BDP1: variants seen among roughly 807,000 people sequenced by gnomAD.
BDP1 encodes the protein BDP1 general transcription factor IIIB subunit.
Under a neutral mutation model 266.6 loss-of-function variants are expected in BDP1, and 169 were observed. The observed-to-expected ratio is 0.63, with a 90% confidence interval of 0.56 to 0.72. The LOEUF is 0.72. Ranked by LOEUF, BDP1 falls within the 30% of genes least tolerant of loss-of-function variation. The probability of loss-of-function intolerance (pLI) is 0.00; values close to 1 mark genes in which losing one functional copy is unlikely to be tolerated. For missense variants in BDP1, 3,015 were observed against 3,053.8 expected, an observed-to-expected ratio of 0.99 and a Z score of 0.30; for synonymous variants, 1,090 against 1,022.4, an observed-to-expected ratio of 1.07 and a Z score of -1.26.
chr5:71,496,875 G>A (rs141692425), intron 12 of BDP1, among the ~76,000 whole-genome samples: 2 of 152,196 alleles, frequency 1.3e-5, no homozygotes, highest in East Asian at 1.9e-4. Flanking sequence ...GAGCCACTGC[G>A]CCCGGCCTTC....
At chr5:71,541,205 T>C (rs1766942837) in intron 28 of BDP1, among the ~76,000 whole-genome samples, 3 of 152,196 alleles carry the variant, frequency 2.0e-5, no homozygotes, top group African/African-American at 7.2e-5. Context: ...AATAATCGGA[T>C]AAAATTCCAG....
At chr5:71,548,566 T>C (rs1343053620) in intron 32 of BDP1, 116 bp from the exon 33 acceptor site, 3 of 670,962 alleles carry the variant, frequency 4.5e-6, no homozygotes, top group Admixed American at 5.0e-5. Context: ...ACTTGAAAAC[T>C]GTATATGGTT....
At position 71,461,935 on chromosome 5, in the gene BDP1, A is replaced by AATTT. The variant is rs752304755; in HGVS notation, c.599+14_599+17dup. 1.6e-6 allele frequency: 2 copies of AATTT among 1,278,418 alleles called. No homozygotes were observed. Among genetic ancestry groups the AATTT allele is most frequent in the South Asian group, 1.3e-5 (1 of 78,242 alleles). The allele number at this position is 1,278,418 out of a possible 1,614,324, so 79.2% of individuals were successfully genotyped here. A position where few individuals can be genotyped will look rare whatever the true frequency, so the allele number is the denominator to read the frequency against. Reference sequence around the variant, plus strand: ...GATAATAATCCAATGACGTAAGTAAAATTTATTTCTGCTTTACTATCTCTT... The same window carrying AATTT: ...GATAATAATCCAATGACGTAAGTAAAATTTATTTATTTCTGCTTTACTATCTCTT... On this transcript the variant is annotated intron_variant, in intron 3 of 38. Coordinates refer to ENST00000358731, the MANE Select transcript of BDP1 (RefSeq NM_018429.3).
intron 25 of BDP1, among the ~76,000 whole-genome samples, chr5:71,525,891 A>G (rs1289475057): frequency 2.0e-5 from 3 of 150,960 alleles, no homozygotes; most frequent in Non-Finnish European, 4.4e-5. Flanking sequence ...GGCGGTTGCC[A>G]GGCAGAGGGT....
At chr5:71,499,652 C>G (rs1764112357) in intron 13 of BDP1, among the ~76,000 whole-genome samples, 1 of 152,102 alleles carries the variant, frequency 6.6e-6, no homozygotes, top group Non-Finnish European at 1.5e-5. Context: ...AAACCCTTTT[C>G]CTCTGAAACT....
At chr5:71,537,175 A>C (rs386228) in intron 26 of BDP1, among the ~76,000 whole-genome samples, 1 of 147,800 alleles carries the variant, frequency 6.8e-6, no homozygotes. Flanking sequence ...AAAAAAAAGA[A>C]CCAGAACCAA....
At chr5:71,528,032 G>A (rs1255490177) in intron 25 of BDP1, among the ~76,000 whole-genome samples, 1 of 151,930 alleles carries the variant, frequency 6.6e-6, no homozygotes, top group Non-Finnish European at 1.5e-5. Flanking sequence ...TGTTGGCCAG[G>A]CTGGTCTCAA....
chr5:71,554,576 A>T (rs1743087714), intron 35 of BDP1, among the ~76,000 whole-genome samples: 1 of 152,198 alleles, frequency 6.6e-6, no homozygotes, highest in African/African-American at 2.4e-5. Flanking sequence ...GTTTTGTTTT[A>T]AAAATATCTT....
chr5:71,491,207 A>G lies in BDP1; in HGVS notation c.1640+76A>G. 2.2e-6 allele frequency: 3 copies of G among 1,382,348 alleles called. No individual in the cohort carries two copies. In the South Asian group the frequency reaches 3.9e-5, roughly 18 times the overall value. 85.6% of individuals were successfully genotyped at this position (1,382,348 alleles called of 1,614,324 possible). ...AAGGAGTGTTGAAGTCTCCATCTGT[A>G]ACTGTGGATTTGCCTGTTTCTTTTT... On this transcript the variant is annotated intron_variant, in intron 11 of 38. Coordinates refer to ENST00000358731, the MANE Select transcript of BDP1 (RefSeq NM_018429.3).
At chr5:71,456,815 G>A (rs758987984) in intron 1 of BDP1, among the ~76,000 whole-genome samples, 3 of 152,186 alleles carry the variant, frequency 2.0e-5, no homozygotes, top group Non-Finnish European at 4.4e-5. Flanking sequence ...AGGTGATGGA[G>A]TAAATTTAAG....
chr5:71,562,910 G>A, intron 38 of BDP1: 3 of 1,275,386 alleles, frequency 2.4e-6, no homozygotes, highest in Non-Finnish European at 3.0e-6. Flanking sequence ...GTATTGGGAT[G>A]GAAAACTCTG....
At chr5:71,480,258 G>A (rs902970501) in intron 7 of BDP1, among the ~76,000 whole-genome samples, 3 of 148,250 alleles carry the variant, frequency 2.0e-5, no homozygotes, top group Non-Finnish European at 3.0e-5. Context: ...CTACAGGCGC[G>A]CACCACCATG....
chr5:71,549,977 A>C (rs1742629611), intron 34 of BDP1, among the ~76,000 whole-genome samples: 1 of 152,184 alleles, frequency 6.6e-6, no homozygotes, highest in African/African-American at 2.4e-5. Context: ...AGTGGTAATA[A>C]ATACAGTTTT....
At chr5:71,468,915 A>G (rs1193187051) in intron 6 of BDP1, among the ~76,000 whole-genome samples, 1 of 152,078 alleles carries the variant, frequency 6.6e-6, no homozygotes, top group Non-Finnish European at 1.5e-5. Flanking sequence ...CCAACAATAC[A>G]ATATTTCTAA....
rs528234324 is a variant in BDP1 at position 71,460,235 on chromosome 5, C to G, written c.489+1380C>G. ...TCTCTACTAAAAATACAAACATTAT[C>G]TGGTTGTGGTGGTGCACGCCTGTAA... On this transcript the variant is annotated intron_variant, in intron 2 of 38. Coordinates refer to ENST00000358731, the MANE Select transcript of BDP1 (RefSeq NM_018429.3). 4.3e-4 allele frequency among the ~76,000 whole-genome samples: 65 copies of G among 152,304 alleles called. 1 individual carries two copies. The highest frequency in any genetic ancestry group is 5.9e-5 in the Non-Finnish European group (4 of 68,026).
At position 71,542,102 on chromosome 5, in the gene BDP1, T is replaced by C; in HGVS notation, c.6252-3T>C. The C allele has an allele frequency of 6.3e-7, 1 of 1,598,004 alleles. No individual in the cohort carries two copies. The highest frequency in any genetic ancestry group is 8.5e-7 in the Non-Finnish European group (1 of 1,173,598). ...CATGAATTTCTCTATCTTCTGTTTT[T>C]AGGAATACAATTTCTAAAGTGACCA... On this transcript the variant is annotated splice_polypyrimidine_tract_variant and splice_region_variant and intron_variant, in intron 29 of 38. Transcript: ENST00000358731.
chr5:71,573,864 C>T, the BDP1 span, among the ~76,000 whole-genome samples: 1 of 152,208 alleles, frequency 6.6e-6, no homozygotes, highest in African/African-American at 2.4e-5. Flanking sequence ...CAGTCCTTTT[C>T]ACATATCATG....
At chr5:71,563,787 C>T (rs1362087564) in intron 38 of BDP1, among the ~76,000 whole-genome samples, 1 of 152,106 alleles carries the variant, frequency 6.6e-6, no homozygotes, top group Non-Finnish European at 1.5e-5. Flanking sequence ...TGGTGTGTGC[C>T]TGTAGTCCCA....
At position 71,513,282 on chromosome 5, in the gene BDP1, G is replaced by C. The variant is rs372311837; in HGVS notation, c.4345G>C (p.Ala1449Pro). ...ACCAAAACCAAACTTAGCAAGAGCA[G>C]CTTTGAAGAGAGAGACTACAGAATC... Reference protein sequence around the residue: ...KRPKPNLARAALKRETTESEK... With the variant: ...KRPKPNLARAPLKRETTESEK... Residue 1449 changes from alanine (A) to proline (P), a missense_variant, in exon 19 of 39, where the codon GCT (alanine) becomes CCT (proline). Transcript: ENST00000358731. The C allele has an allele frequency of 2.5e-6, 4 of 1,613,306 alleles. No individual in the cohort carries two copies. Among genetic ancestry groups the C allele is most frequent in the South Asian group, 1.1e-5 (1 of 91,052 alleles).
Sources: gnomAD v4.1 joint callset for allele counts (sites outside exome capture counted in the v4.1 genomes callset) on GRCh38, gnomAD v4.1.1 for gene constraint, MANE v1.5 for transcripts, NCBI Gene and HGNC (gene_info 2026-07-23, HGNC 2026-07-21) for gene names.